CTNNA3: variants seen among roughly 807,000 people sequenced by gnomAD.
CTNNA3 encodes catenin alpha-3.
In CTNNA3, 76 loss-of-function variants were observed where a neutral mutation model predicts 95.7. That is an observed-to-expected ratio of 0.79 (90% CI 0.66 to 0.96). The LOEUF is 0.96. Among genes scored for constraint, CTNNA3 ranks in the 40% least tolerant of loss-of-function variants. CTNNA3 has a pLI of 0.00. For missense variants in CTNNA3, 1,191 were observed against 1,089.8 expected, an observed-to-expected ratio of 1.09 and a Z score of -1.31; for synonymous variants, 431 against 374.4, an observed-to-expected ratio of 1.15 and a Z score of -1.74.
At chr10:66,659,176 A>G (rs980878407) in intron 9 of CTNNA3, among the ~76,000 whole-genome samples, 5 of 139,050 alleles carry the variant, frequency 3.6e-5, no homozygotes, top group Admixed American at 1.5e-4. Flanking sequence ...AAAAATAATT[A>G]AGAAAACACA....
At chr10:67,487,946 G>C (rs1589348043) in intron 5 of CTNNA3, among the ~76,000 whole-genome samples, 2 of 152,224 alleles carry the variant, frequency 1.3e-5, no homozygotes, top group South Asian at 4.1e-4. Context: ...GGACAGATGT[G>C]AGAGAATCTC....
At chr10:67,343,437 G>T (rs1329984038) in intron 5 of CTNNA3, among the ~76,000 whole-genome samples, 1 of 151,984 alleles carries the variant, frequency 6.6e-6, no homozygotes, top group African/African-American at 2.4e-5. Context: ...TCTTTCATGA[G>T]TGTTTTATAG....
At chr10:66,693,143 C>T (rs188825967) in intron 9 of CTNNA3, among the ~76,000 whole-genome samples, 1 of 152,120 alleles carries the variant, frequency 6.6e-6, no homozygotes, top group Non-Finnish European at 1.5e-5. Flanking sequence ...GGACTAGATG[C>T]TCCAATTAAA....
At chr10:66,732,558 G>A (rs1227263893) in intron 9 of CTNNA3, among the ~76,000 whole-genome samples, 2 of 152,100 alleles carry the variant, frequency 1.3e-5, no homozygotes, top group African/African-American at 4.8e-5. Context: ...CCTTCTTCAC[G>A]TGGTGGCAGG....
intron 13 of CTNNA3, among the ~76,000 whole-genome samples, chr10:66,225,057 C>A (rs1420036889): frequency 6.6e-6 from 1 of 151,954 alleles, no homozygotes; most frequent in Non-Finnish European, 1.5e-5. Flanking sequence ...AAAATCCTTT[C>A]TTCTAGCTAT....
rs372649123 is a variant in CTNNA3, at chr10:67,364,713, C to A, written c.580-144843G>T. Among the ~76,000 whole-genome samples the A allele has an allele frequency of 2.0e-4, 31 of 152,076 alleles. No individual in the cohort carries two copies. In the East Asian group the frequency reaches 5.4e-3, roughly 27 times the overall value. On this transcript the variant is annotated intron_variant, in intron 5 of 17. Coordinates refer to ENST00000433211, the MANE Select transcript of CTNNA3 (RefSeq NM_013266.4). ...AGGAGAACTACAAACCACTGCCCAA[C>A]AAAATAAAAGAGGACACAAGCAAAT...
intron 5 of CTNNA3, among the ~76,000 whole-genome samples, chr10:67,231,853 A>AC: frequency 6.6e-6 from 1 of 152,360 alleles, no homozygotes; most frequent in African/African-American, 2.4e-5. Context: ...CTCAAGAACT[A>AC]CGTGAAGAAT....
chr10:66,208,076 A>G (rs991009827), intron 13 of CTNNA3, among the ~76,000 whole-genome samples: 2 of 152,184 alleles, frequency 1.3e-5, no homozygotes, highest in East Asian at 1.9e-4. Context: ...TATCAAAAAC[A>G]TTTTTATCAG....
intron 9 of CTNNA3, among the ~76,000 whole-genome samples, chr10:66,653,156 G>A (rs1482098562): frequency 1.3e-5 from 2 of 152,038 alleles, no homozygotes; most frequent in Non-Finnish European, 2.9e-5. Flanking sequence ...CATCCAGATT[G>A]GAAAAGAGGA....
intron 11 of CTNNA3, among the ~76,000 whole-genome samples, chr10:66,399,572 T>C (rs2093004405): frequency 6.6e-6 from 1 of 151,972 alleles, no homozygotes; most frequent in Non-Finnish European, 1.5e-5. Flanking sequence ...AAATAAGAAC[T>C]GGACTATTTT....
rs536286180 is a variant in CTNNA3, at chr10:66,165,244, C to T, written c.1885-61995G>A. On this transcript the variant is annotated intron_variant, in intron 13 of 17. Coordinates refer to ENST00000433211, the MANE Select transcript of CTNNA3 (RefSeq NM_013266.4). Reference sequence around the variant, plus strand: ...TTTCATACAGCTAAAGAATGGGGACCCTATAGCTCATATGCCATATATAAA... The same window carrying T: ...TTTCATACAGCTAAAGAATGGGGACTCTATAGCTCATATGCCATATATAAA... Among the ~76,000 whole-genome samples the T allele has an allele frequency of 2.6e-5, 4 of 151,994 alleles. No individual in the cohort carries two copies. In the South Asian group the frequency reaches 6.2e-4, roughly 24 times the overall value.
intron 14 of CTNNA3, among the ~76,000 whole-genome samples, chr10:66,101,545 T>C (rs2081630792): frequency 1.3e-5 from 2 of 152,220 alleles, no homozygotes; most frequent in Non-Finnish European, 2.9e-5. Context: ...TCTTTTCCCA[T>C]ATTATGTTTT....
At chr10:66,167,461 C>A (rs946073845) in intron 13 of CTNNA3, among the ~76,000 whole-genome samples, 1 of 151,998 alleles carries the variant, frequency 6.6e-6, no homozygotes, top group African/African-American at 2.4e-5. Flanking sequence ...ACAAATGAAT[C>A]GTTTTAAAAG....
rs530546923 is a variant in CTNNA3, at chr10:66,994,887, C to G, written c.1047+185430G>C. Among the ~76,000 whole-genome samples the G allele has an allele frequency of 2.0e-5, 3 of 152,230 alleles. No individual in the cohort carries two copies. In the South Asian group the frequency reaches 6.2e-4, roughly 32 times the overall value. On this transcript the variant is annotated intron_variant, in intron 7 of 17. Coordinates refer to ENST00000433211, the MANE Select transcript of CTNNA3 (RefSeq NM_013266.4). ...AAATGTTACAATATGAAATGTAAAA[C>G]TAGGAAACCCAAATGCAACAAGTGG...
At chr10:66,493,599 A>ATTTTTTTTTTTTTTTTTTTTTTTTT (rs528761424) in intron 11 of CTNNA3, among the ~76,000 whole-genome samples, 11 of 112,020 alleles carry the variant, frequency 9.8e-5, no homozygotes, top group African/African-American at 3.8e-4. Flanking sequence ...TAACTACAGT[A>ATTTTTTTTTTTTTTTTTTTTTTTTT]TTTTTTTTTT....
chr10:66,363,277 A>G (rs1265713625), intron 12 of CTNNA3, among the ~76,000 whole-genome samples: 5 of 152,216 alleles, frequency 3.3e-5, no homozygotes, highest in Non-Finnish European at 5.9e-5. Context: ...TCTCAAATTC[A>G]TGTTGAAACC....
chr10:66,735,324 C>G (rs1383993223), intron 9 of CTNNA3, among the ~76,000 whole-genome samples: 2 of 151,590 alleles, frequency 1.3e-5, no homozygotes, highest in African/African-American at 4.8e-5. Context: ...TTTTAAAAAC[C>G]CTAAATACTT....
At chr10:67,534,222 G>T (rs1159094501) in intron 4 of CTNNA3, among the ~76,000 whole-genome samples, 1 of 152,044 alleles carries the variant, frequency 6.6e-6, no homozygotes, top group Admixed American at 6.6e-5. Context: ...TCTTTAAAGT[G>T]GATACCCTCC....
intron 12 of CTNNA3, among the ~76,000 whole-genome samples, chr10:66,330,384 G>A (rs998699161): frequency 6.6e-6 from 1 of 151,936 alleles, no homozygotes; most frequent in Admixed American, 6.6e-5. Flanking sequence ...CCATGTCCCT[G>A]CAAAGGACAT....
Sources: gnomAD v4.1 joint callset for allele counts (sites outside exome capture counted in the v4.1 genomes callset) on GRCh38, gnomAD v4.1.1 for gene constraint, MANE v1.5 for transcripts, NCBI Gene and HGNC (gene_info 2026-07-23, HGNC 2026-07-21) for gene names.